Variants in TXNL1 observed in about 807,000 individuals in gnomAD.
TXNL1 encodes the protein thioredoxin like 1.
TXNL1 carries 14 observed loss-of-function variants against 35.5 expected under a neutral mutation model. The ratio of observed to expected loss-of-function variants is 0.39; its 90% CI spans 0.26 to 0.62. TXNL1 has a LOEUF of 0.62. Ranked by LOEUF, TXNL1 falls within the 20% of genes least tolerant of loss-of-function variation. TXNL1 has a pLI of 0.47. For synonymous variants in TXNL1, 110 were observed against 115.5 expected (o/e 0.95, Z 0.31); for missense variants, 263 against 349.7 (o/e 0.75, Z 1.98).
rs1320136349 is a variant in TXNL1, at chr18:56,598,729, A to G, written c.*4298T>C. The G allele has an allele frequency of 1.3e-5, 2 of 152,240 alleles. No homozygotes were observed. Among genetic ancestry groups the G allele is most frequent in the Non-Finnish European group, 2.9e-5 (2 of 68,034 alleles). The allele number at this position is 152,240 out of a possible 1,614,324, so 9.4% of individuals were successfully genotyped here. On this transcript the variant is annotated 3_prime_UTR_variant, in exon 8 of 8. Coordinates refer to ENST00000217515, the MANE Select transcript of TXNL1 (RefSeq NM_004786.3). Reference sequence around the variant, plus strand: ...GTGACAGCTGAGAGCAGGATACAGAAGATACTTATCCTTGTTCCAGATACA... The same window carrying G: ...GTGACAGCTGAGAGCAGGATACAGAGGATACTTATCCTTGTTCCAGATACA...
rs1376239904 is a variant in TXNL1, at chr18:56,624,351, T to A, written c.306A>T (p.Lys102Asn). Residue 102 changes from lysine (K) to asparagine (N), a missense_variant, in exon 3 of 8, where the codon AAA becomes AAT. Coordinates refer to ENST00000217515, the MANE Select transcript of TXNL1 (RefSeq NM_004786.3). ...QGADAVGLEE[K>N]IKQHLENDPG... ...GGTCATTTTCTAAGTGCTGCTTGAT[T>A]TTTTCTTCTAATCCCACAGCATCTG... 6.2e-7 allele frequency: 1 copy of A among 1,613,810 alleles called. No homozygotes were observed. The highest frequency in any genetic ancestry group is 1.7e-5 in the Admixed American group (1 of 59,988).
chr18:56,614,377 T>G lies in TXNL1; in HGVS notation c.735+47A>C, dbSNP rs654705. The G allele has an allele frequency of 1.2e-5, 19 of 1,531,156 alleles. No homozygotes were observed. In the African/African-American group the frequency reaches 2.6e-4, roughly 21 times the overall value. The allele number at this position is 1,531,156 out of a possible 1,614,324, so 94.8% of individuals were successfully genotyped here. On this transcript the variant is annotated intron_variant, in intron 6 of 7. Coordinates refer to ENST00000217515, the MANE Select transcript of TXNL1 (RefSeq NM_004786.3). ...TTACCTAGGATACTGAAAATAGTAT[T>G]GTTACTCACAAACCTATTAAATACA...
intron 2 of TXNL1, 25 bp from the exon 3 acceptor site, chr18:56,624,486 T>C: frequency 6.3e-7 from 1 of 1,594,950 alleles, no homozygotes; most frequent in Non-Finnish European, 8.6e-7. Context: ...TTGGACAGTG[T>C]TATGAATTAA....
intron 1 of TXNL1, 117 bp from the exon 2 acceptor site, chr18:56,626,574 TTTTTGTTTTG>T: frequency 1.0e-6 from 1 of 971,618 alleles, no homozygotes; most frequent in Non-Finnish European, 1.5e-6. Flanking sequence ...CTCTCTGTTT[TTTTTGTTTTG>T]TTTTGTTTTT....
At chr18:56,631,589 G>C (rs917989696) in intron 1 of TXNL1, among the ~76,000 whole-genome samples, 2 of 152,116 alleles carry the variant, frequency 1.3e-5, no homozygotes, top group Non-Finnish European at 2.9e-5. Context: ...TTGAGAAAAA[G>C]AATACAGTAA....
intron 3 of TXNL1, among the ~76,000 whole-genome samples, chr18:56,618,938 G>A (rs955916170): frequency 6.6e-6 from 1 of 151,978 alleles, no homozygotes; most frequent in East Asian, 1.9e-4. Context: ...GGCCTGGTAC[G>A]ATGGCTCATG....
chr18:56,617,914 G>A (rs2024116514), intron 4 of TXNL1, 90 bp downstream of exon 4: 5 of 1,471,394 alleles, frequency 3.4e-6, no homozygotes, highest in Non-Finnish European at 4.7e-6. Flanking sequence ...ATCTGGGAAG[G>A]AGAGACGTAA....
In TXNL1 at chr18:56,603,019, T is replaced by C; in HGVS notation, c.*8A>G. 6.2e-7 allele frequency: 1 copy of C among 1,613,844 alleles called. No individual in the cohort carries two copies. The highest frequency in any genetic ancestry group is 8.5e-7 in the Non-Finnish European group (1 of 1,179,844). ...ATTGCAATATGGTTGTCCAGTGTCT[T>C]TTGTACCTTAGTGGCTTTCTCCTTT... On this transcript the variant is annotated 3_prime_UTR_variant, in exon 8 of 8. Transcript: ENST00000217515.
At chr18:56,620,452 T>A (rs958673178) in intron 3 of TXNL1, among the ~76,000 whole-genome samples, 2 of 152,220 alleles carry the variant, frequency 1.3e-5, no homozygotes, top group African/African-American at 4.8e-5. Flanking sequence ...GTAGTTACAG[T>A]AACAGTAGAT....
At chr18:56,626,106 G>A (rs1452613372) in intron 2 of TXNL1, 10 of 964,112 alleles carry the variant, frequency 1.0e-5, no homozygotes, top group Non-Finnish European at 1.3e-5. Context: ...AGAACTGCTA[G>A]GTGACCTATT....
chr18:56,626,428 G>A lies in TXNL1; in HGVS notation c.128C>T (p.Ala43Val). Residue 43 changes from alanine to valine, a missense_variant, in exon 2 of 8, where the codon GCA becomes GTA. Coordinates refer to ENST00000217515, the MANE Select transcript of TXNL1 (RefSeq NM_004786.3). ...ATATTTATTACTCATAGAACTGAAT[G>A]CTGGGGCAATCCTCAAACATGGCCC... The part of the protein sequence containing the change: ...GCGPCLRIAP[A>V]FSSMSNKYPQ... 2 of 1,613,268 alleles carry A rather than the reference G, an allele frequency of 1.2e-6. No homozygotes were observed. The highest frequency in any genetic ancestry group is 2.2e-5 in the East Asian group (1 of 44,858).
At chr18:56,615,304 A>T (rs768990466) in intron 5 of TXNL1, among the ~76,000 whole-genome samples, 5 of 152,092 alleles carry the variant, frequency 3.3e-5, no homozygotes, top group Non-Finnish European at 7.4e-5. Flanking sequence ...TTTTATTAAT[A>T]AAAATTATTA....
chr18:56,618,329 T>A (rs1335466361), intron 3 of TXNL1, among the ~76,000 whole-genome samples: 4 of 152,238 alleles, frequency 2.6e-5, no homozygotes, highest in African/African-American at 9.6e-5. Flanking sequence ...AGGCTTAGCC[T>A]ACTTGATAAG....
At chr18:56,619,259 G>T (rs1024264807) in intron 3 of TXNL1, among the ~76,000 whole-genome samples, 11 of 150,374 alleles carry the variant, frequency 7.3e-5, no homozygotes, top group African/African-American at 2.5e-4. Context: ...TTTGGAGGCC[G>T]GGTCGGGGTG....
intron 1 of TXNL1, among the ~76,000 whole-genome samples, chr18:56,627,117 T>C (rs1318304089): frequency 6.6e-6 from 1 of 152,054 alleles, no homozygotes; most frequent in Non-Finnish European, 1.5e-5. Flanking sequence ...CTAGGCCTGA[T>C]TCTCTGGTCT....
chr18:56,603,171 T>C lies in TXNL1; in HGVS notation c.841-115A>G. The stretch of plus-strand genomic sequence containing the variant: ...TATTAATTTTTATCCTTGGATCTTT[T>C]CTGGCATGCAATGTATTTTCACTGT... On this transcript the variant is annotated intron_variant, in intron 7 of 7. Transcript: ENST00000217515. 3 of 928,738 alleles carry C rather than the reference T, an allele frequency of 3.2e-6. 1 individual carries two copies. Among genetic ancestry groups the C allele is most frequent in the South Asian group, 1.6e-5 (1 of 61,516 alleles). 57.5% of individuals were successfully genotyped at this position (928,738 alleles called of 1,614,324 possible).
At chr18:56,634,929 C>A (rs1175408692) in intron 1 of TXNL1, among the ~76,000 whole-genome samples, 1 of 152,104 alleles carries the variant, frequency 6.6e-6, no homozygotes, top group Non-Finnish European at 1.5e-5. Flanking sequence ...ATAAAGAACT[C>A]CTGCAACTCA....
intron 1 of TXNL1, among the ~76,000 whole-genome samples, chr18:56,629,698 ATGAGT>A (rs1367052300): frequency 6.6e-6 from 1 of 152,206 alleles, no homozygotes; most frequent in African/African-American, 2.4e-5. Flanking sequence ...AAAATATTAA[ATGAGT>A]TGAGAAGAAT....
intron 1 of TXNL1, among the ~76,000 whole-genome samples, chr18:56,634,912 G>A (rs1322146841): frequency 4.6e-5 from 7 of 151,990 alleles, no homozygotes; most frequent in Admixed American, 6.6e-5. Flanking sequence ...ATTAACATCC[G>A]GCATATATAA....
Sources: gnomAD v4.1 joint callset for allele counts (sites outside exome capture counted in the v4.1 genomes callset) on GRCh38, gnomAD v4.1.1 for gene constraint, MANE v1.5 for transcripts, NCBI Gene and HGNC (gene_info 2026-07-23, HGNC 2026-07-21) for gene names.